The following CACNA1A variants were observed in gnomAD, a reference collection of about 807,000 sequenced individuals.
CACNA1A encodes the protein calcium voltage-gated channel subunit alpha1 A.
CACNA1A carries 57 observed loss-of-function variants against 262.4 expected under a neutral mutation model. The ratio of observed to expected loss-of-function variants is 0.22; its 90% CI spans 0.18 to 0.27. The LOEUF is 0.27. Among genes scored for constraint, CACNA1A ranks in the 10% least tolerant of loss-of-function variants. The pLI is 1.00. For synonymous variants in CACNA1A, 1,431 were observed against 1,419.3 expected (o/e 1.01, Z -0.18); for missense variants, 2,526 against 3,562.8 (o/e 0.71, Z 7.41).
At chr19:13,249,425 G>C (rs996126065) in intron 30 of CACNA1A, among the ~76,000 whole-genome samples, 4 of 151,846 alleles carry the variant, frequency 2.6e-5, no homozygotes, top group Non-Finnish European at 5.9e-5. Context: ...GCTCAATCAC[G>C]ACTCACTGCA....
At chr19:13,331,935 C>T (rs2058476049) in intron 9 of CACNA1A, among the ~76,000 whole-genome samples, 1 of 152,192 alleles carries the variant, frequency 6.6e-6, no homozygotes, top group Non-Finnish European at 1.5e-5. Flanking sequence ...GTTGGGATTA[C>T]AGATGTGAGC....
chr19:13,442,617 G>T (rs572442336), intron 3 of CACNA1A, among the ~76,000 whole-genome samples: 1 of 152,222 alleles, frequency 6.6e-6, no homozygotes, highest in African/African-American at 2.4e-5. Context: ...AACCCTAGGA[G>T]CTAGGCACTA....
Position 13,335,009 on chromosome 19 carries a change from G to A in CACNA1A, c.1083-516C>T, listed in dbSNP as rs117931824. Reference sequence around the variant, plus strand: ...TGATCGCCCCCTACACTCCAGTCTGGGTAATAAAGCTAGACACCGTCTCAA... The same window carrying A: ...TGATCGCCCCCTACACTCCAGTCTGAGTAATAAAGCTAGACACCGTCTCAA... On this transcript the variant is annotated intron_variant, in intron 7 of 46. Transcript: ENST00000360228. 2.6e-3 allele frequency among the ~76,000 whole-genome samples: 393 copies of A among 150,536 alleles called. 10 individuals are homozygous for A. In the East Asian group the frequency reaches 0.07, roughly 27 times the overall value.
intron 1 of CACNA1A, among the ~76,000 whole-genome samples, chr19:13,475,703 T>A (rs1293355103): frequency 1.3e-5 from 2 of 152,210 alleles, no homozygotes; most frequent in Non-Finnish European, 2.9e-5. Flanking sequence ...CTTTTTGCAC[T>A]ATCACCCTGA....
chr19:13,218,586 G>GT (rs1449924708), intron 38 of CACNA1A, among the ~76,000 whole-genome samples: 2 of 151,644 alleles, frequency 1.3e-5, no homozygotes, highest in Non-Finnish European at 2.9e-5. Flanking sequence ...TTTGGAATTT[G>GT]TTTGTTTGTT....
intron 10 of CACNA1A, among the ~76,000 whole-genome samples, chr19:13,322,202 G>GGA (rs2058269478): frequency 3.3e-5 from 3 of 90,072 alleles, no homozygotes; most frequent in South Asian, 7.3e-4. Flanking sequence ...ACTTGTCTCA[G>GGA]AAAAAAAAAA....
intron 3 of CACNA1A, among the ~76,000 whole-genome samples, chr19:13,415,743 T>TTAAA (rs2060207995): frequency 2.4e-5 from 1 of 42,506 alleles, no homozygotes; most frequent in Non-Finnish European, 4.3e-5. Flanking sequence ...CTGTCTCAAT[T>TTAAA]AAAAAAAAAA....
Position 13,207,923 on chromosome 19 carries a change from C to A in CACNA1A, c.6911G>T (p.Arg2304Leu). ...RPHVSYSPVI[R>L]KAGGSGPPQQ... Reference sequence around the variant, plus strand: ...CGGGGGCCCCGAGCCGCCGGCCTTACGGATCACAGGGGAATAGGACACGTG... The same window carrying A: ...CGGGGGCCCCGAGCCGCCGGCCTTAAGGATCACAGGGGAATAGGACACGTG... Residue 2304 changes from arginine (R) to leucine (L), a missense_variant, in exon 47 of 47, where the codon CGT becomes CTT. Arg to Leu is a moderately radical substitution (Grantham distance 102). Transcript: ENST00000360228. The surrounding 1 kb of genome is among the most constrained non-coding windows in gnomAD (Gnocchi z 5.7). 1 of 1,426,426 alleles carries A rather than the reference C, an allele frequency of 7.0e-7. No homozygotes were observed. Among genetic ancestry groups the A allele is most frequent in the Non-Finnish European group, 9.2e-7 (1 of 1,092,352 alleles). 88.4% of individuals were successfully genotyped at this position (1,426,426 alleles called of 1,614,324 possible). A position where few individuals can be genotyped will look rare whatever the true frequency, so the allele number is the denominator to read the frequency against.
At chr19:13,386,229 C>G (rs2059611059) in intron 3 of CACNA1A, among the ~76,000 whole-genome samples, 1 of 151,990 alleles carries the variant, frequency 6.6e-6, no homozygotes, top group Non-Finnish European at 1.5e-5. Flanking sequence ...ACCCGCCTTA[C>G]TGGCAGAGCC....
Position 13,506,152 on chromosome 19 carries a change from C to CGACCACCCCT in CACNA1A, c.72_73insAGGGGTGGTC (p.Val25ArgfsTer54). ...GCTCCTCGCCCGCCTCCGCTGCCCA[C>CGACCACCCCT]GACCACCCCGGCGGCTGCCCCGGAG... is the stretch of plus-strand genomic sequence containing the variant. On this transcript the variant is annotated frameshift_variant, in exon 1 of 47. Transcript: ENST00000360228. LOFTEE classifies it high-confidence loss of function. 6.4e-7 allele frequency: 1 copy of CGACCACCCCT among 1,564,618 alleles called. No individual in the cohort carries two copies. Among genetic ancestry groups the CGACCACCCCT allele is most frequent in the Non-Finnish European group, 8.7e-7 (1 of 1,154,772 alleles).
intron 26 of CACNA1A, 61 bp downstream of exon 26, chr19:13,261,389 C>T: frequency 2.0e-6 from 3 of 1,464,330 alleles, no homozygotes; most frequent in Non-Finnish European, 1.8e-6. Context: ...ATGCCTCTAG[C>T]CACTTCCCCC....
At chr19:13,316,984 G>A in intron 11 of CACNA1A, 128 bp downstream of exon 11, 1 of 626,370 alleles carries the variant, frequency 1.6e-6, no homozygotes, top group Non-Finnish European at 2.8e-6. Flanking sequence ...TTATAGAAAT[G>A]GCTAAAGGAA....
chr19:13,354,626 C>T (rs571366634), intron 6 of CACNA1A, among the ~76,000 whole-genome samples: 3 of 152,266 alleles, frequency 2.0e-5, no homozygotes, highest in East Asian at 1.9e-4. Context: ...ACATGCAAGT[C>T]GTTTTATTTA....
At chr19:13,456,966 C>T (rs1345553968) in intron 1 of CACNA1A, among the ~76,000 whole-genome samples, 1 of 151,926 alleles carries the variant, frequency 6.6e-6, no homozygotes, top group Non-Finnish European at 1.5e-5. Flanking sequence ...AATGGTGTAG[C>T]TGGCCAGATG....
intron 3 of CACNA1A, among the ~76,000 whole-genome samples, chr19:13,384,843 G>A (rs1372712328): frequency 6.6e-6 from 1 of 152,184 alleles, no homozygotes; most frequent in East Asian, 1.9e-4. Flanking sequence ...CGGCATCAGG[G>A]TCACGTCAGT....
rs10421055 is a variant in CACNA1A, at chr19:13,333,119, T to C, written c.1199-194A>G. Reference sequence around the variant, plus strand: ...CCGCAACAGTAGCAATAGCCAACATTCTCCCCACCTCGCGCAAAATAAAAA... The same window carrying C: ...CCGCAACAGTAGCAATAGCCAACATCCTCCCCACCTCGCGCAAAATAAAAA... On this transcript the variant is annotated intron_variant, in intron 8 of 46. Transcript: ENST00000360228. Among the ~76,000 whole-genome samples the C allele has an allele frequency of 0.044, 6,695 of 151,710 alleles. 462 individuals are homozygous for C. Among genetic ancestry groups the C allele is most frequent in the African/African-American group, 0.15 (6,301 of 41,320 alleles).
chr19:13,464,809 A>G (rs915905405), intron 1 of CACNA1A, among the ~76,000 whole-genome samples: 1 of 152,042 alleles, frequency 6.6e-6, no homozygotes, highest in South Asian at 2.1e-4. Flanking sequence ...TGGCCTCCCA[A>G]AGTGCTGGGA....
At chr19:13,393,811 T>TTCCTTCCTTCC (rs1226397228) in intron 3 of CACNA1A, among the ~76,000 whole-genome samples, 3 of 82,148 alleles carry the variant, frequency 3.7e-5, no homozygotes, top group East Asian at 5.3e-4. Context: ...CCCTCCTTCC[T>TTCCTTCCTTCC]CTCTCTCTCT....
chr19:13,251,668 G>C (rs1222555011), intron 30 of CACNA1A, among the ~76,000 whole-genome samples: 2 of 152,096 alleles, frequency 1.3e-5, no homozygotes, highest in African/African-American at 4.8e-5. Context: ...TAATATTAAG[G>C]GTTGATAATA....
Sources: gnomAD v4.1 joint callset for allele counts (sites outside exome capture counted in the v4.1 genomes callset) on GRCh38, gnomAD v4.1.1 for gene constraint, Gnocchi (gnomAD v3.1) non-coding constraint, MANE v1.5 for transcripts, NCBI Gene and HGNC (gene_info 2026-07-23, HGNC 2026-07-21) for gene names.